Variants in E2F1 observed in about 807,000 individuals in gnomAD.
E2F1 encodes E2F transcription factor 1, also known as transcription factor E2F1.
A neutral mutation model predicts 36.9 loss-of-function variants in E2F1; 7 were observed. The ratio of observed to expected loss-of-function variants is 0.19; its 90% confidence interval spans 0.11 to 0.36. The LOEUF (loss-of-function observed/expected upper bound fraction) is 0.36, where lower values mean the gene tolerates loss of function less well. Ranked by LOEUF, E2F1 falls within the 10% of genes least tolerant of loss-of-function variation. The probability of loss-of-function intolerance (pLI) is 1.00; values close to 1 mark genes in which losing one functional copy is unlikely to be tolerated. For synonymous variants in E2F1, 261 were observed against 263.1 expected, an observed-to-expected ratio of 0.99 and a Z score of 0.08; for missense variants, 406 against 573.6, an observed-to-expected ratio of 0.71 and a Z score of 2.99.
chr20:33,676,727 C>A lies in E2F1; in HGVS notation c.*5G>T, dbSNP rs3213177. 71,982 of 1,605,244 alleles carry A rather than the reference C, an allele frequency of 0.045. 2,014 individuals are homozygous for A. The highest frequency in any genetic ancestry group is 0.11 in the Admixed American group (6,688 of 59,134). ...CTCTGGAAACCCTGGTCCCTCCAAG[C>A]CCTGTCAGAAATCCAGGGGGGTGAG... is the stretch of plus-strand genomic sequence containing the variant. On this transcript the variant is annotated 3_prime_UTR_variant, in exon 7 of 7. Transcript: ENST00000343380.
At chr20:33,685,815 G>A (rs930359368) in intron 1 of E2F1, among the ~76,000 whole-genome samples, 189 bp downstream of exon 1, 1 of 152,166 alleles carries the variant, frequency 6.6e-6, no homozygotes, top group African/African-American at 2.4e-5. Context: ...AACAGGGACC[G>A]GCCCGAGGTC....
rs377425346 is a variant in E2F1, at chr20:33,679,789, T to C, written c.538A>G (p.Ile180Val). The change falls in exon 3 of 7, where the codon ATT becomes GTT. Residue 180 changes from isoleucine to valine, a missense_variant. By Grantham distance (29) the Ile-to-Val change is conservative. Coordinates refer to ENST00000343380, the MANE Select transcript of E2F1 (RefSeq NM_005225.3). This position sits in a 1 kb window ranked among gnomAD's most constrained non-coding sequence, Gnocchi z 4.6. ...ITNVLEGIQL[I>V]AKKSKNHIQW... ...ATGTGGTTCTTGGACTTCTTGGCAATGAGCTGGATGCCCTCAAGGACGTTG... is the reference window on the plus strand; with the variant it reads ...ATGTGGTTCTTGGACTTCTTGGCAACGAGCTGGATGCCCTCAAGGACGTTG... 6 of 1,613,606 alleles carry C rather than the reference T, an allele frequency of 3.7e-6. No individual in the cohort carries two copies. Among genetic ancestry groups the C allele is most frequent in the Non-Finnish European group, 5.1e-6 (6 of 1,179,682 alleles).
chr20:33,686,199 G>C lies in E2F1; in HGVS notation c.66C>G (p.Ala22=). Residue 22 remains alanine (A), a synonymous_variant, in exon 1 of 7, where the codon GCC becomes GCG. Coordinates refer to ENST00000343380, the MANE Select transcript of E2F1 (RefSeq NM_005225.3). ...AGGAGTCGAGCAGCCGCAGCGCGCC[G>C]GCCCCGAGCAGGGCCTCCAGCGCCG... is the stretch of plus-strand genomic sequence containing the variant. ...CAPALEALLG[A]GALRLLDSSQ... is the part of the protein sequence containing the mutation. The C allele has an allele frequency of 9.6e-7, 1 of 1,041,328 alleles. No individual in the cohort carries two copies. The highest frequency in any genetic ancestry group is 1.2e-6 in the Non-Finnish European group (1 of 867,704). The allele number at this position is 1,041,328 out of a possible 1,614,324, so 64.5% of individuals were successfully genotyped here.
At position 33,686,297 on chromosome 20, in the gene E2F1, G is replaced by C; in HGVS notation, c.-33C>G. On this transcript the variant is annotated 5_prime_UTR_variant, in exon 1 of 7. Transcript: ENST00000343380. ...ACGGCCCGCGCGGCCCGGGTGACAG[G>C]CGGCGGCGGCGGCGCGGGCCCATGG... 1 of 994,134 alleles carries C rather than the reference G, an allele frequency of 1.0e-6. No individual in the cohort carries two copies. The highest frequency in any genetic ancestry group is 4.5e-5 in the South Asian group (1 of 22,008). The allele number at this position is 994,134 out of a possible 1,614,324, so 61.6% of individuals were successfully genotyped here. A position where few individuals can be genotyped will look rare whatever the true frequency, so the allele number is the denominator to read the frequency against.
intron 1 of E2F1, among the ~76,000 whole-genome samples, 158 bp from the exon 2 acceptor site, chr20:33,680,574 C>T (rs907722900): frequency 1.3e-5 from 2 of 152,204 alleles, no homozygotes; most frequent in Non-Finnish European, 2.9e-5. Flanking sequence ...GCCTGAGAGT[C>T]ACAGTCCTAC....
rs534844696 is a variant in E2F1 at position 33,679,157 on chromosome 20, T to C, written c.572+598A>G. Among the ~76,000 whole-genome samples the C allele has an allele frequency of 6.6e-6, 1 of 152,074 alleles. No homozygotes were observed. Among genetic ancestry groups the C allele is most frequent in the South Asian group, 2.1e-4 (1 of 4,802 alleles). On this transcript the variant is annotated intron_variant, in intron 3 of 6. Transcript: ENST00000343380. The surrounding 1 kb of genome is among the most constrained non-coding windows in gnomAD (Gnocchi z 4.6). ...AGTGGTGACCTGGCGGTGTGAGGGG[T>C]TGGCAATGACTGGAAAGGGGCACAA...
chr20:33,683,634 A>T (rs2018037743), intron 1 of E2F1, among the ~76,000 whole-genome samples: 1 of 151,332 alleles, frequency 6.6e-6, no homozygotes, highest in Admixed American at 6.6e-5. Flanking sequence ...TTGGCTGGGC[A>T]TGGTGGTACA....
intron 4 of E2F1, 105 bp from the exon 5 acceptor site, chr20:33,677,645 A>C (rs777679476): frequency 7.1e-5 from 58 of 814,002 alleles, no homozygotes; most frequent in Admixed American, 2.7e-4. Flanking sequence ...CTGTCCTCCC[A>C]ACCTCCTACC....
In E2F1 at chr20:33,680,369, C is replaced by G. The variant is rs577941795; in HGVS notation, c.309G>C (p.Glu103Asp). ...CTCTGCCCCGAGCTGGCCCACTGCT[C>G]TCGGCCAGGTACTGATGGTCAGTTT... ...DLETDHQYLA[E>D]SSGPARGRGR... The change falls in exon 2 of 7, where the codon GAG (glutamate) becomes GAC (aspartate). Residue 103 changes from glutamate to aspartate, a missense_variant. Transcript: ENST00000343380. 6.2e-7 allele frequency: 1 copy of G among 1,614,214 alleles called. No individual in the cohort carries two copies. Among genetic ancestry groups the G allele is most frequent in the East Asian group, 2.2e-5 (1 of 44,894 alleles).
At chr20:33,678,435 G>T (rs1283161792) in intron 3 of E2F1, 82 bp from the exon 4 acceptor site, 2 of 1,536,604 alleles carry the variant, frequency 1.3e-6, no homozygotes. Flanking sequence ...GACAGAGTCT[G>T]CTGTTGCCTC....
rs1267632583 is a variant in E2F1 at position 33,679,378 on chromosome 20, T to C, written c.572+377A>G. Among the ~76,000 whole-genome samples, 1 of 152,146 alleles carries C rather than the reference T, an allele frequency of 6.6e-6. No homozygotes were observed. The highest frequency in any genetic ancestry group is 2.4e-5 in the African/African-American group (1 of 41,432). The stretch of plus-strand genomic sequence containing the variant: ...GGCCAACATGGTGAAACCCCATTTC[T>C]ACTACAAATACAAAAAGTAGCTGGG... On this transcript the variant is annotated intron_variant, in intron 3 of 6. Coordinates refer to ENST00000343380, the MANE Select transcript of E2F1 (RefSeq NM_005225.3). The surrounding 1 kb of genome is among the most constrained non-coding windows in gnomAD (Gnocchi z 4.6).
intron 2 of E2F1, 29 bp downstream of exon 2, chr20:33,680,297 G>GGTCT: frequency 6.2e-7 from 1 of 1,604,164 alleles, no homozygotes; most frequent in Non-Finnish European, 8.5e-7. Flanking sequence ...GGTCACAGGG[G>GGTCT]GTCTGCCCAG....
intron 6 of E2F1, 23 bp downstream of exon 6, chr20:33,677,082 C>CCACCCACCTACCCAT: frequency 1.3e-6 from 2 of 1,598,716 alleles, no homozygotes; most frequent in East Asian, 2.2e-5. Flanking sequence ...CTGCCCCACC[C>CCACCCACCTACCCAT]CACCCACCTA....
intron 3 of E2F1, among the ~76,000 whole-genome samples, chr20:33,678,920 G>A (rs564484264): frequency 5.3e-5 from 8 of 152,264 alleles, no homozygotes; most frequent in African/African-American, 1.7e-4. Flanking sequence ...CAGCCTGGGC[G>A]ACAGAGCAAC....
intron 1 of E2F1, among the ~76,000 whole-genome samples, chr20:33,683,080 C>T (rs2018032016): frequency 2.0e-5 from 3 of 152,014 alleles, no homozygotes; most frequent in Admixed American, 2.0e-4. Context: ...CCACCACAAA[C>T]AAAAATAGCC....
At chr20:33,683,098 A>G (rs1242607949) in intron 1 of E2F1, among the ~76,000 whole-genome samples, 2 of 152,324 alleles carry the variant, frequency 1.3e-5, no homozygotes, top group East Asian at 1.9e-4. Context: ...GCCTTAGGGA[A>G]AAAAAGGAAA....
Position 33,675,861 on chromosome 20 carries a change from C to T in E2F1, c.*871G>A. On this transcript the variant is annotated 3_prime_UTR_variant, in exon 7 of 7. Transcript: ENST00000343380. ...CCTTCACCACCCCTCCTGCCCACAT[C>T]AGTGAAGGTCCCCCACTCACCTCTC... is the stretch of plus-strand genomic sequence containing the variant. 5.8e-6 allele frequency: 1 copy of T among 172,338 alleles called. No individual in the cohort carries two copies. The highest frequency in any genetic ancestry group is 1.2e-5 in the Non-Finnish European group (1 of 80,758). The allele number at this position is 172,338 out of a possible 1,614,324, so 10.7% of individuals were successfully genotyped here.
chr20:33,680,431 G>A lies in E2F1; in HGVS notation c.262-15C>T, dbSNP rs1388358570. ...CTCCGCTTCACCTGTGGCGAAAACG[G>A]GAGGATGCCCAGTAACCAGGAGTGA... On this transcript the variant is annotated splice_polypyrimidine_tract_variant and intron_variant, in intron 1 of 6. Transcript: ENST00000343380. 6.2e-7 allele frequency: 1 copy of A among 1,612,052 alleles called. No homozygotes were observed. Among genetic ancestry groups the A allele is most frequent in the South Asian group, 1.1e-5 (1 of 90,580 alleles).
intron 1 of E2F1, among the ~76,000 whole-genome samples, chr20:33,681,805 C>G (rs536680321): frequency 6.6e-6 from 1 of 152,154 alleles, no homozygotes; most frequent in South Asian, 2.1e-4. Context: ...GCTGAGCAGA[C>G]TCCACACTGG....
Sources: gnomAD v4.1 joint callset for allele counts (sites outside exome capture counted in the v4.1 genomes callset) on GRCh38, gnomAD v4.1.1 for gene constraint, Gnocchi (gnomAD v3.1) non-coding constraint, MANE v1.5 for transcripts, NCBI Gene and HGNC (gene_info 2026-07-23, HGNC 2026-07-21) for gene names.